Variants in TBCK observed in about 807,000 individuals in gnomAD.
TBCK encodes TBC domain-containing protein kinase-like protein.
Under a neutral mutation model 113.4 loss-of-function variants are expected in TBCK, and 99 were observed. The ratio of observed to expected loss-of-function variants is 0.87; its 90% CI spans 0.74 to 1.03. TBCK has a LOEUF of 1.03. Among genes scored for constraint, TBCK ranks in the 50% least tolerant of loss-of-function variants. TBCK has a pLI of 0.00. For synonymous variants in TBCK, 369 were observed against 370.8 expected (o/e 1.00, Z 0.05); for missense variants, 1,045 against 1,061.3 (o/e 0.98, Z 0.21).
chr4:106,101,372 G>C (rs984100744), intron 24 of TBCK, among the ~76,000 whole-genome samples: 7 of 152,126 alleles, frequency 4.6e-5, no homozygotes, highest in African/African-American at 1.7e-4. Context: ...CAATTGGATG[G>C]AAATTTTAAT....
chr4:106,101,418 A>T (rs963690356), intron 24 of TBCK, among the ~76,000 whole-genome samples: 9 of 152,180 alleles, frequency 5.9e-5, no homozygotes, highest in Non-Finnish European at 1.3e-4. Context: ...ATGAGATGAA[A>T]AAAACCTTAC....
At chr4:106,090,635 G>C (rs1740112858) in intron 25 of TBCK, among the ~76,000 whole-genome samples, 1 of 152,022 alleles carries the variant, frequency 6.6e-6, no homozygotes, top group African/African-American at 2.4e-5. Flanking sequence ...ATATGACTTA[G>C]GGTGTTAGAA....
chr4:106,225,895 C>T (rs1395176216), intron 19 of TBCK, among the ~76,000 whole-genome samples: 1 of 152,116 alleles, frequency 6.6e-6, no homozygotes, highest in African/African-American at 2.4e-5. Flanking sequence ...GCCGCAGTGG[C>T]TCAAGCCTGT....
At chr4:106,212,073 C>G (rs778605824) in intron 20 of TBCK, among the ~76,000 whole-genome samples, 8 of 151,964 alleles carry the variant, frequency 5.3e-5, no homozygotes, top group Non-Finnish European at 8.8e-5. Context: ...AAACAATTTC[C>G]TTTGCACCCA....
intron 12 of TBCK, among the ~76,000 whole-genome samples, chr4:106,240,384 T>C (rs1231979231): frequency 6.9e-6 from 1 of 144,668 alleles, no homozygotes; most frequent in Non-Finnish European, 1.5e-5. Context: ...GATAAGAATT[T>C]GGAAATGAAG....
chr4:106,092,184 T>A (rs1243451327), intron 25 of TBCK, among the ~76,000 whole-genome samples: 1 of 152,174 alleles, frequency 6.6e-6, no homozygotes, highest in Non-Finnish European at 1.5e-5. Flanking sequence ...GATTGGTGCA[T>A]CCACAAACCC....
chr4:106,248,705 C>T (rs536755241), intron 8 of TBCK, among the ~76,000 whole-genome samples: 1 of 152,324 alleles, frequency 6.6e-6, no homozygotes, highest in South Asian at 2.1e-4. Flanking sequence ...CCTCACATAG[C>T]AATTGCCTAG....
chr4:106,182,557 T>C (rs1752518708), intron 22 of TBCK: 1 of 152,120 alleles, frequency 6.6e-6, no homozygotes, highest in Admixed American at 6.6e-5. Context: ...GTACCTAGTT[T>C]ATTGAGAGTT....
intron 19 of TBCK, 73 bp from the exon 20 acceptor site, chr4:106,212,908 T>C: frequency 1.1e-6 from 1 of 925,526 alleles, no homozygotes; most frequent in Non-Finnish European, 1.7e-6. Flanking sequence ...AAATATAGTT[T>C]TATTTATACA....
chr4:106,193,979 GATA>G (rs934344390), intron 21 of TBCK, among the ~76,000 whole-genome samples: 9 of 151,940 alleles, frequency 5.9e-5, no homozygotes, highest in African/African-American at 2.2e-4. Context: ...TAATCAAACA[GATA>G]ATATTTTTAA....
chr4:106,250,399 G>C lies in TBCK; in HGVS notation c.658+19C>G. 1 of 1,477,602 alleles carries C rather than the reference G, an allele frequency of 6.8e-7. No individual in the cohort carries two copies. Among genetic ancestry groups the C allele is most frequent in the East Asian group, 2.3e-5 (1 of 43,486 alleles). 91.5% of individuals were successfully genotyped at this position (1,477,602 alleles called of 1,614,324 possible). On this transcript the variant is annotated intron_variant, in intron 7 of 25. Transcript: ENST00000394708. ...AGTTATATTTATATTTGAAAGATAA[G>C]CAATTGTACGACACTTACCCAAAGT...
intron 23 of TBCK, among the ~76,000 whole-genome samples, chr4:106,161,602 T>C (rs1749796746): frequency 6.6e-6 from 1 of 152,146 alleles, no homozygotes; most frequent in Non-Finnish European, 1.5e-5. Context: ...CTCAGCTATT[T>C]GCATTTGAGA....
chr4:106,187,166 T>G (rs1753118119), intron 22 of TBCK, among the ~76,000 whole-genome samples: 1 of 152,146 alleles, frequency 6.6e-6, no homozygotes, highest in Non-Finnish European at 1.5e-5. Context: ...TGAAATTGGG[T>G]AGTGTGATGT....
At chr4:106,156,525 C>G (rs1749142751) in intron 23 of TBCK, among the ~76,000 whole-genome samples, 1 of 152,154 alleles carries the variant, frequency 6.6e-6, no homozygotes, top group East Asian at 1.9e-4. Flanking sequence ...ATGTCAAAAA[C>G]CTTAGAAGTG....
At chr4:106,229,199 C>T (rs1490863935) in intron 19 of TBCK, among the ~76,000 whole-genome samples, 2 of 151,964 alleles carry the variant, frequency 1.3e-5, no homozygotes, top group Non-Finnish European at 2.9e-5. Flanking sequence ...TGTGAGTTGT[C>T]TCCTAACTTT....
chr4:106,247,309 G>T, intron 9 of TBCK, 22 bp from the exon 10 acceptor site: 1 of 1,604,816 alleles, frequency 6.2e-7, no homozygotes, highest in South Asian at 1.1e-5. Flanking sequence ...TTAAAATACA[G>T]AGCATGAATG....
At chr4:106,167,526 T>C (rs1579104979) in intron 23 of TBCK, among the ~76,000 whole-genome samples, 1 of 150,978 alleles carries the variant, frequency 6.6e-6, no homozygotes, top group East Asian at 2.0e-4. Flanking sequence ...AAAATAAAAA[T>C]CAGAGCAGAA....
At chr4:106,285,004 G>T (rs1160995270) in intron 3 of TBCK, among the ~76,000 whole-genome samples, 6 of 151,912 alleles carry the variant, frequency 3.9e-5, no homozygotes, top group East Asian at 3.9e-4. Flanking sequence ...AATCACTATA[G>T]GAATTTAATT....
chr4:106,108,698 C>T (rs1402124253), intron 24 of TBCK, among the ~76,000 whole-genome samples: 3 of 152,148 alleles, frequency 2.0e-5, no homozygotes, highest in Non-Finnish European at 2.9e-5. Flanking sequence ...AAAACTGGCA[C>T]AAGACAAGGA....
Sources: gnomAD v4.1 joint callset for allele counts (sites outside exome capture counted in the v4.1 genomes callset) on GRCh38, gnomAD v4.1.1 for gene constraint, MANE v1.5 for transcripts, NCBI Gene and HGNC (gene_info 2026-07-23, HGNC 2026-07-21) for gene names.